Variants in ADRA1D observed in about 807,000 individuals in gnomAD.
The protein encoded by ADRA1D is adrenoceptor alpha 1D, also known as alpha-1D adrenergic receptor.
Under a neutral mutation model 18.6 loss-of-function variants are expected in ADRA1D, and 22 were observed. The observed-to-expected ratio is 1.19, with a 90% confidence interval of 0.85 to 1.69. The LOEUF (loss-of-function observed/expected upper bound fraction) is 1.69, where lower values mean the gene tolerates loss of function less well. ADRA1D is among the 40% of genes most tolerant of loss of function. The pLI, the probability that ADRA1D is intolerant of heterozygous loss-of-function variation, is 0.00. For missense variants in ADRA1D, 840 were observed against 840.7 expected (o/e 1.00, Z 0.01); for synonymous variants, 376 against 388.2 (o/e 0.97, Z 0.37).
chr20:4,248,827 C>A lies in ADRA1D; in HGVS notation c.131G>T (p.Gly44Val), dbSNP rs1376777788. The A allele has an allele frequency of 9.7e-7, 1 of 1,030,254 alleles. No homozygotes were observed. The highest frequency in any genetic ancestry group is 1.2e-6 in the Non-Finnish European group (1 of 861,786). The allele number at this position is 1,030,254 out of a possible 1,614,324, so 63.8% of individuals were successfully genotyped here. The change falls in exon 1 of 2, where the codon GGC (glycine) becomes GTC (valine). Residue 44 changes from glycine to valine, a missense_variant. Transcript: ENST00000379453. ...GCCGCCCGCGCCCCCCGGCACGCCG[C>A]CCACCGCCGGGCCCTCCGAGGGGGC... ...GAAPSEGPAV[G>V]GVPGGAGGGG...
chr20:4,229,431 C>T (rs368834581), intron 1 of ADRA1D, among the ~76,000 whole-genome samples: 1,981 of 139,774 alleles, frequency 0.014, 46 homozygotes, highest in African/African-American at 0.052. Context: ...AAGATGGGGG[C>T]GAGTGTGCTT....
Position 4,221,322 on chromosome 20 carries a change from C to A in ADRA1D, c.*201G>T. ...GAAAAGAGTTCTGGGCACCTGAGTC[C>A]AGCAGGGGGCCCCACTACTTTTCAC... On this transcript the variant is annotated 3_prime_UTR_variant, in exon 2 of 2. Coordinates refer to ENST00000379453, the MANE Select transcript of ADRA1D (RefSeq NM_000678.4). The A allele has an allele frequency of 3.6e-6, 2 of 551,916 alleles. No individual in the cohort carries two copies. Among genetic ancestry groups the A allele is most frequent in the Non-Finnish European group, 6.1e-6 (2 of 329,220 alleles). 34.2% of individuals were successfully genotyped at this position (551,916 alleles called of 1,614,324 possible). A position where few individuals can be genotyped will look rare whatever the true frequency, so the allele number is the denominator to read the frequency against.
chr20:4,229,892 G>A (rs1197526858), intron 1 of ADRA1D, among the ~76,000 whole-genome samples: 1 of 151,912 alleles, frequency 6.6e-6, no homozygotes, highest in Non-Finnish European at 1.5e-5. Flanking sequence ...CAGCTCCTCT[G>A]CCTCCTCCTA....
chr20:4,235,341 CGCATCCTCTT>C (rs779587587), intron 1 of ADRA1D, among the ~76,000 whole-genome samples: 21 of 152,196 alleles, frequency 1.4e-4, no homozygotes, highest in Admixed American at 2.0e-4. Context: ...AGGCCTGTCC[CGCATCCTCTT>C]GCATCCTCTA....
rs889847695 is a variant in ADRA1D, at chr20:4,239,576, T to A, written c.1111+8271A>T. Among the ~76,000 whole-genome samples, 2 of 152,178 alleles carry A rather than the reference T, an allele frequency of 1.3e-5. No homozygotes were observed. The highest frequency in any genetic ancestry group is 4.8e-5 in the African/African-American group (2 of 41,448). On this transcript the variant is annotated intron_variant, in intron 1 of 1. Coordinates refer to ENST00000379453, the MANE Select transcript of ADRA1D (RefSeq NM_000678.4). The surrounding 1 kb of genome is among the most constrained non-coding windows in gnomAD (Gnocchi z 4.9). ...TGCAAGCTGAGCCTGAAGCATCTTA[T>A]CAGATCAGAAAGCAAAGAAGAGCTC... is the stretch of plus-strand genomic sequence containing the variant.
At chr20:4,237,365 C>G (rs1981116247) in intron 1 of ADRA1D, among the ~76,000 whole-genome samples, 1 of 151,862 alleles carries the variant, frequency 6.6e-6, no homozygotes, top group Non-Finnish European at 1.5e-5. Context: ...TGCACCCCAG[C>G]CTGGGCAACA....
At chr20:4,230,793 T>C (rs6116268) in intron 1 of ADRA1D, among the ~76,000 whole-genome samples, 70,585 of 152,048 alleles carry the variant, frequency 0.46, 17,389 homozygotes, top group East Asian at 0.92. Flanking sequence ...TCCTCCCACA[T>C]AGCTGGGCTT....
chr20:4,234,478 C>G (rs1055923478), intron 1 of ADRA1D, among the ~76,000 whole-genome samples: 1 of 152,220 alleles, frequency 6.6e-6, no homozygotes, highest in African/African-American at 2.4e-5. Flanking sequence ...TGGGACTTTT[C>G]TATCCATAGT....
At position 4,242,179 on chromosome 20, in the gene ADRA1D, G is replaced by A. The variant is rs117610097; in HGVS notation, c.1111+5668C>T. Among the ~76,000 whole-genome samples, 5 of 152,336 alleles carry A rather than the reference G, an allele frequency of 3.3e-5. No homozygotes were observed. The East Asian group carries it at 9.6e-4, about 29-fold the overall frequency. On this transcript the variant is annotated intron_variant, in intron 1 of 1. Transcript: ENST00000379453. The stretch of plus-strand genomic sequence containing the variant: ...GAATCAAAAGGTGTGTACACCTTGA[G>A]TTTCAGACCTGGCTTATTTTGCGCA...
At chr20:4,247,773 A>G in intron 1 of ADRA1D, 74 bp downstream of exon 1, 1 of 1,413,690 alleles carries the variant, frequency 7.1e-7, no homozygotes, top group Non-Finnish European at 9.3e-7. Flanking sequence ...GGGTCGCCCA[A>G]GTCTGGGTGC....
Position 4,248,707 on chromosome 20 carries a change from G to T in ADRA1D, c.251C>A (p.Thr84Lys), listed in dbSNP as rs778543784. ...SAGAGGDVNG[T>K]AAVGGLVVSA... Reference sequence around the variant, plus strand: ...CACCACCAGTCCCCCGACGGCCGCCGTGCCATTCACGTCGCCGCCCGCGCC... The same window carrying T: ...CACCACCAGTCCCCCGACGGCCGCCTTGCCATTCACGTCGCCGCCCGCGCC... Residue 84 changes from threonine (T) to lysine (K), a missense_variant, in exon 1 of 2, where the codon ACG (threonine) becomes AAG (lysine). Physicochemically the swap from Thr to Lys is moderately conservative, Grantham distance 78. Transcript: ENST00000379453. 12 of 1,569,182 alleles carry T rather than the reference G, an allele frequency of 7.6e-6. No homozygotes were observed. Among genetic ancestry groups the T allele is most frequent in the Non-Finnish European group, 1.0e-5 (12 of 1,158,292 alleles).
intron 1 of ADRA1D, among the ~76,000 whole-genome samples, chr20:4,231,066 C>CTTTCTT (rs778795892): frequency 0.012 from 1,189 of 95,820 alleles, 17 homozygotes; most frequent in Middle Eastern, 0.021. Flanking sequence ...TTCTTTCTTT[C>CTTTCTT]TCTCTCTCTC....
At chr20:4,235,800 G>T (rs1981074125) in intron 1 of ADRA1D, among the ~76,000 whole-genome samples, 1 of 152,262 alleles carries the variant, frequency 6.6e-6, no homozygotes, top group Admixed American at 6.5e-5. Flanking sequence ...AGTGAGGGAA[G>T]TCCTACCCTC....
At chr20:4,225,869 G>T (rs1487993314) in intron 1 of ADRA1D, among the ~76,000 whole-genome samples, 1 of 152,194 alleles carries the variant, frequency 6.6e-6, no homozygotes, top group Non-Finnish European at 1.5e-5. Context: ...TAGTCAGGAT[G>T]TGTGAAAGAG....
At chr20:4,223,445 G>A (rs939453325) in intron 1 of ADRA1D, among the ~76,000 whole-genome samples, 1 of 152,116 alleles carries the variant, frequency 6.6e-6, no homozygotes, top group African/African-American at 2.4e-5. Flanking sequence ...ATTAAATGTT[G>A]GCCAAGGTTT....
chr20:4,248,684 C>T lies in ADRA1D; in HGVS notation c.274G>A (p.Val92Met), dbSNP rs1981417266. Residue 92 changes from valine (V) to methionine (M), a missense_variant, in exon 1 of 2, where the codon GTG becomes ATG. Physicochemically the swap from Val to Met is conservative, Grantham distance 21. Transcript: ENST00000379453. Reference sequence around the variant, plus strand: ...CCCACGCCCACGCCCTGCGCGCTCACCACCAGTCCCCCGACGGCCGCCGTG... The same window carrying T: ...CCCACGCCCACGCCCTGCGCGCTCATCACCAGTCCCCCGACGGCCGCCGTG... ...NGTAAVGGLV[V>M]SAQGVGVGVF... The T allele has an allele frequency of 6.3e-7, 1 of 1,588,284 alleles. No homozygotes were observed. The highest frequency in any genetic ancestry group is 8.6e-7 in the Non-Finnish European group (1 of 1,168,670).
chr20:4,225,317 CT>C (rs1169981172), intron 1 of ADRA1D, among the ~76,000 whole-genome samples: 1 of 150,130 alleles, frequency 6.7e-6, no homozygotes, highest in Non-Finnish European at 1.5e-5. Context: ...TCTTACTTTC[CT>C]TTTAATATTA....
chr20:4,243,745 G>A (rs1981272026), intron 1 of ADRA1D, among the ~76,000 whole-genome samples: 1 of 152,156 alleles, frequency 6.6e-6, no homozygotes, highest in Non-Finnish European at 1.5e-5. Context: ...GCTTCCTGGG[G>A]GTCCCAGAGG....
rs149618730 is a variant in ADRA1D at position 4,221,074 on chromosome 20, G to A, written c.*449C>T. On this transcript the variant is annotated 3_prime_UTR_variant, in exon 2 of 2. Coordinates refer to ENST00000379453, the MANE Select transcript of ADRA1D (RefSeq NM_000678.4). The stretch of plus-strand genomic sequence containing the variant: ...AGTTGGCAGTAAGAAGGAGAAATTT[G>A]TCCACTGAGGAGCCCTGGTCCCACT... 203 of 154,456 alleles carry A rather than the reference G, an allele frequency of 1.3e-3. 1 individual carries two copies. In the East Asian group the frequency reaches 0.015, roughly 11 times the overall value. 9.6% of individuals were successfully genotyped at this position (154,456 alleles called of 1,614,324 possible).
Sources: allele counts gnomAD v4.1 joint callset (sites outside exome capture counted in the v4.1 genomes callset), GRCh38; gene constraint gnomAD v4.1.1; non-coding constraint Gnocchi (gnomAD v3.1); transcripts MANE v1.5; gene names NCBI Gene and HGNC (gene_info 2026-07-23, HGNC 2026-07-21).